Variants in LRRC74A observed in about 807,000 individuals in gnomAD.
LRRC74A encodes the protein leucine rich repeat containing 74A, also known as leucine-rich repeat-containing protein 74A.
LRRC74A carries 44 observed loss-of-function variants against 57.9 expected under a neutral mutation model. The ratio of observed to expected loss-of-function variants is 0.76; its 90% CI spans 0.60 to 0.98. The LOEUF (loss-of-function observed/expected upper bound fraction) is 0.98, where lower values mean the gene tolerates loss of function less well. Among genes scored for constraint, LRRC74A ranks in the 50% least tolerant of loss-of-function variants. The pLI, the probability that LRRC74A is intolerant of heterozygous loss-of-function variation, is 0.00. For missense variants in LRRC74A, 572 were observed against 574.0 expected, an observed-to-expected ratio of 1.00 and a Z score of 0.04; for synonymous variants, 211 against 219.4, an observed-to-expected ratio of 0.96 and a Z score of 0.34.
intron 5 of LRRC74A, among the ~76,000 whole-genome samples, chr14:76,843,312 A>C (rs1019818663): frequency 1.4e-5 from 1 of 73,064 alleles, no homozygotes; most frequent in African/African-American, 4.3e-5. Context: ...AAAAAAAAAA[A>C]AAAAAAAAAA....
intron 7 of LRRC74A, among the ~76,000 whole-genome samples, chr14:76,852,014 C>T (rs1897533618): frequency 6.6e-6 from 1 of 152,156 alleles, no homozygotes; most frequent in African/African-American, 2.4e-5. Flanking sequence ...AAGCACCTTG[C>T]TCTTCCCATA....
Position 76,857,385 on chromosome 14 carries a change from C to T in LRRC74A, c.963C>T (p.Phe321=), listed in dbSNP as rs1308881622. 4 of 1,573,222 alleles carry T rather than the reference C, an allele frequency of 2.5e-6. No individual in the cohort carries two copies. The highest frequency in any genetic ancestry group is 3.3e-4 in the Middle Eastern group (2 of 6,014). The change falls in exon 10 of 14, where the codon TTC becomes TTT. Residue 321 remains phenylalanine (F), a synonymous_variant. Coordinates refer to ENST00000689127, the MANE Select transcript of LRRC74A (RefSeq NM_001385106.1). The part of the protein sequence containing the change: ...SNESLRVLKL[F]LNPINMDGAI... ...TCTTGATTCTCCCTCTATAGCTTTT[C>T]CTGAATCCCATAAATATGGATGGGG... is the stretch of plus-strand genomic sequence containing the variant.
intron 7 of LRRC74A, among the ~76,000 whole-genome samples, chr14:76,850,759 C>T (rs938410500): frequency 6.0e-5 from 9 of 149,752 alleles, no homozygotes; most frequent in Admixed American, 1.4e-4. Flanking sequence ...TCCCAGCTGC[C>T]CGGGAGGCTG....
intron 9 of LRRC74A, among the ~76,000 whole-genome samples, chr14:76,853,630 C>A (rs923203642): frequency 2.0e-5 from 3 of 152,168 alleles, no homozygotes; most frequent in African/African-American, 7.2e-5. Flanking sequence ...TGGTACACTG[C>A]AGATCTTTCT....
chr14:76,844,503 T>C (rs758109136), intron 6 of LRRC74A, 31 bp downstream of exon 6: 21 of 1,608,010 alleles, frequency 1.3e-5, no homozygotes, highest in Non-Finnish European at 1.6e-5. Flanking sequence ...CCAAGCCACG[T>C]GGGCGATGTC....
rs569190734 is a variant in LRRC74A at position 76,836,226 on chromosome 14, A to T, written c.359A>T (p.Lys120Ile). 3.1e-6 allele frequency: 5 copies of T among 1,613,784 alleles called. No individual in the cohort carries two copies. The African/African-American group carries it at 5.3e-5, about 17-fold the overall frequency. ...CTGAAGTCCAACATGGCTGTTACCA[A>T]ACTGGAGCTGGAAGACAATTGCATC... ...IALVSNMAVT[K>I]LELEDNCIME... The change falls in exon 4 of 14, where the codon AAA (lysine) becomes ATA (isoleucine). Residue 120 changes from lysine to isoleucine, a missense_variant. Lys to Ile is a moderately radical substitution (Grantham distance 102). Transcript: ENST00000689127.
At chr14:76,865,842 C>T in intron 11 of LRRC74A, 126 bp from the exon 12 acceptor site, 2 of 729,560 alleles carry the variant, frequency 2.7e-6, no homozygotes. Context: ...CTCACCTTGG[C>T]CTTCTGCCCT....
chr14:76,841,081 G>A (rs184552642), intron 5 of LRRC74A, among the ~76,000 whole-genome samples: 6 of 151,626 alleles, frequency 4.0e-5, no homozygotes, highest in Admixed American at 3.3e-4. Context: ...TCCCTCTGTC[G>A]CCCAGGCTGG....
intron 5 of LRRC74A, 83 bp from the exon 6 acceptor site, chr14:76,844,340 A>C: frequency 8.0e-7 from 1 of 1,253,120 alleles, no homozygotes; most frequent in Non-Finnish European, 1.1e-6. Context: ...TCTAAAGGGA[A>C]GTGGACTGGG....
chr14:76,865,659 A>C (rs1354698125), intron 11 of LRRC74A, among the ~76,000 whole-genome samples: 1 of 152,170 alleles, frequency 6.6e-6, no homozygotes, highest in Non-Finnish European at 1.5e-5. Context: ...AACAGCCTTG[A>C]CTTCAGTCCT....
chr14:76,840,998 T>C (rs758417604), intron 5 of LRRC74A, among the ~76,000 whole-genome samples: 2 of 151,948 alleles, frequency 1.3e-5, no homozygotes, highest in Non-Finnish European at 2.9e-5. Flanking sequence ...AAAATGATGA[T>C]GTACTATTTA....
rs1015825332 is a variant in LRRC74A at position 76,840,648 on chromosome 14, T to C, written c.544+2677T>C. Among the ~76,000 whole-genome samples the C allele has an allele frequency of 5.2e-4, 76 of 144,942 alleles. 1 individual carries two copies. Among genetic ancestry groups the C allele is most frequent in the African/African-American group, 1.9e-3 (74 of 39,676 alleles). ...CCCAGGCTGGAGTGCAGTGGCACAA[T>C]CTCGGCTCACTGCAGGCTCTGCCCC... On this transcript the variant is annotated intron_variant, in intron 5 of 13. Coordinates refer to ENST00000689127, the MANE Select transcript of LRRC74A (RefSeq NM_001385106.1).
chr14:76,870,028 A>G (rs1261203716), intron 13 of LRRC74A, 97 bp from the exon 14 acceptor site: 5 of 1,353,436 alleles, frequency 3.7e-6, no homozygotes, highest in Non-Finnish European at 5.2e-6. Flanking sequence ...GGGTTTACAA[A>G]TGGTCTCCTT....
chr14:76,832,326 T>C (rs1468626971), intron 3 of LRRC74A, among the ~76,000 whole-genome samples: 1 of 152,194 alleles, frequency 6.6e-6, no homozygotes, highest in African/African-American at 2.4e-5. Flanking sequence ...AGTTGTTTGT[T>C]TGAGACAGGT....
chr14:76,858,104 C>G (rs1024113115), intron 10 of LRRC74A, among the ~76,000 whole-genome samples: 3 of 152,196 alleles, frequency 2.0e-5, no homozygotes, highest in African/African-American at 7.2e-5. Context: ...TTATCCTACT[C>G]TAGAAGGTAG....
intron 3 of LRRC74A, among the ~76,000 whole-genome samples, chr14:76,835,826 A>G (rs560891030): frequency 1.3e-5 from 2 of 152,266 alleles, no homozygotes; most frequent in Non-Finnish European, 2.9e-5. Context: ...GCTTTAAAGG[A>G]CCTCCTTGCA....
intron 3 of LRRC74A, among the ~76,000 whole-genome samples, chr14:76,832,630 T>A (rs1228214585): frequency 6.6e-6 from 1 of 152,126 alleles, no homozygotes; most frequent in Non-Finnish European, 1.5e-5. Flanking sequence ...TTTAAGGGGA[T>A]CTTGGAGGAC....
chr14:76,854,378 T>C (rs778262977), intron 9 of LRRC74A, among the ~76,000 whole-genome samples: 6 of 152,104 alleles, frequency 3.9e-5, no homozygotes, highest in Non-Finnish European at 8.8e-5. Context: ...GAGGCCAAGG[T>C]GGGTGGATCG....
Position 76,828,408 on chromosome 14 carries a change from T to A in LRRC74A, c.155T>A (p.Leu52Gln), listed in dbSNP as rs1233019772. Residue 52 changes from leucine (L) to glutamine (Q), a missense_variant, in exon 2 of 14, where the codon CTG (leucine) becomes CAG (glutamine). Coordinates refer to ENST00000689127, the MANE Select transcript of LRRC74A (RefSeq NM_001385106.1). ...KPARENSETD[L>Q]EIEDDEKFFT... ...GCCCGGGAGAATTCGGAAACAGACC[T>A]GGAGATTGAAGGCGAGCATGGGCAT... 5 of 1,613,954 alleles carry A rather than the reference T, an allele frequency of 3.1e-6. No individual in the cohort carries two copies. In the African/African-American group the frequency reaches 5.3e-5, roughly 17 times the overall value.
Sources: gnomAD v4.1 joint callset for allele counts (sites outside exome capture counted in the v4.1 genomes callset) on GRCh38, gnomAD v4.1.1 for gene constraint, MANE v1.5 for transcripts, NCBI Gene and HGNC (gene_info 2026-07-23, HGNC 2026-07-21) for gene names.